Variants in ENPP2 observed in about 807,000 individuals in gnomAD.
The protein encoded by ENPP2 is ectonucleotide pyrophosphatase/phosphodiesterase 2, also known as autotaxin.
A neutral mutation model predicts 120.2 loss-of-function variants in ENPP2; 51 were observed. That is an observed-to-expected ratio of 0.42 (90% CI 0.34 to 0.54). ENPP2 has a LOEUF of 0.54. ENPP2 is among the 20% of genes least tolerant of loss of function. The probability of loss-of-function intolerance (pLI) is 0.04; values close to 1 mark genes in which losing one functional copy is unlikely to be tolerated. For synonymous variants in ENPP2, 365 were observed against 366.4 expected (o/e 1.00, Z 0.04); for missense variants, 920 against 1,066.5 (o/e 0.86, Z 1.91).
At chr8:119,607,484 G>C (rs1305643765) in intron 9 of ENPP2, among the ~76,000 whole-genome samples, 1 of 152,088 alleles carries the variant, frequency 6.6e-6, no homozygotes. Context: ...GACCAGCCTC[G>C]CAAACGTGGT....
At chr8:119,574,157 T>C (rs35384459) in intron 19 of ENPP2, among the ~76,000 whole-genome samples, 3,930 of 152,068 alleles carry the variant, frequency 0.026, 89 homozygotes, top group Admixed American at 0.047. Flanking sequence ...TATCAAAGTA[T>C]CAAAGAATCA....
chr8:119,648,006 C>A lies in ENPP2; in HGVS notation c.22-9479G>T, dbSNP rs183745838. On this transcript the variant is annotated intron_variant, in intron 1 of 25. Coordinates refer to the ENPP2 transcript ENST00000427067. ...GGCAACAAGAACAAAATTCCATCCC[C>A]AAAAAAAGAAAAGTTTGGATTCTGG... Among the ~76,000 whole-genome samples, 1,468 of 151,992 alleles carry A rather than the reference C, an allele frequency of 9.7e-3. 24 individuals carry two copies. Among genetic ancestry groups the A allele is most frequent in the African/African-American group, 0.034 (1,392 of 41,444 alleles).
At chr8:119,566,333 G>A (rs963862882) in intron 22 of ENPP2, among the ~76,000 whole-genome samples, 2 of 152,082 alleles carry the variant, frequency 1.3e-5, no homozygotes, top group Non-Finnish European at 2.9e-5. Flanking sequence ...CTTCAACATG[G>A]GTGTCATGCG....
intron 22 of ENPP2, among the ~76,000 whole-genome samples, chr8:119,567,016 G>A (rs563690670): frequency 8.2e-4 from 124 of 152,110 alleles, no homozygotes; most frequent in Non-Finnish European, 1.5e-3. Flanking sequence ...GTTAAGCTGC[G>A]GAGGCCCGCC....
intron 1 of ENPP2, among the ~76,000 whole-genome samples, chr8:119,665,325 A>G (rs936917947): frequency 2.0e-5 from 3 of 151,946 alleles, no homozygotes; most frequent in African/African-American, 7.3e-5. Flanking sequence ...AAAATATTCC[A>G]CTCTACAATG....
intron 19 of ENPP2, among the ~76,000 whole-genome samples, chr8:119,575,062 C>T (rs1021188395): frequency 1.3e-5 from 2 of 152,188 alleles, no homozygotes; most frequent in Non-Finnish European, 1.5e-5. Flanking sequence ...ATCTACTTGG[C>T]AAACACTTGT....
At chr8:119,643,027 TAA>T (rs1817329372), upstream of ENPP2, among the ~76,000 whole-genome samples, 1 of 152,210 alleles carries the variant, frequency 6.6e-6, no homozygotes, top group Admixed American at 6.5e-5. Flanking sequence ...AGAATAATCC[TAA>T]GATTATGTAT....
chr8:119,607,893 T>C, intron 9 of ENPP2, 29 bp downstream of exon 9: 1 of 1,436,816 alleles, frequency 7.0e-7, no homozygotes, highest in Non-Finnish European at 9.6e-7. Flanking sequence ...TGTCATTTTA[T>C]AAACATTGAC....
At chr8:119,649,877 A>T (rs949454182) in intron 1 of ENPP2, among the ~76,000 whole-genome samples, 5 of 152,236 alleles carry the variant, frequency 3.3e-5, no homozygotes, top group Non-Finnish European at 5.9e-5. Context: ...CTAGGATGCT[A>T]AAATTTAAAA....
rs61745442 is a variant in ENPP2, at chr8:119,570,775, G to C, written c.1847C>G (p.Thr616Ser). Residue 616 changes from threonine (T) to serine (S), a missense_variant, in exon 20 of 25, where the codon ACT becomes AGT. Thr to Ser is a moderately conservative substitution (Grantham distance 58, BLOSUM62 1). Transcript: ENST00000075322. ...TTCACTATAACCACTTTCAAAGTCA[G>C]TGTGATATAAGATATCATATCTAGT... ...YRTRYDILYH[T>S]DFESGYSEIF... 23 of 1,591,576 alleles carry C rather than the reference G, an allele frequency of 1.4e-5. No individual in the cohort carries two copies. In the African/African-American group the frequency reaches 2.7e-4, roughly 19 times the overall value.
chr8:119,612,753 G>GGTA (rs1815198765), intron 8 of ENPP2, among the ~76,000 whole-genome samples: 1 of 152,142 alleles, frequency 6.6e-6, no homozygotes, highest in Admixed American at 6.6e-5. Context: ...AGCCAGGCAT[G>GGTA]GTAGTGTGTG....
chr8:119,647,344 T>G (rs1817500887), intron 1 of ENPP2, among the ~76,000 whole-genome samples: 1 of 152,110 alleles, frequency 6.6e-6, no homozygotes, highest in Non-Finnish European at 1.5e-5. Flanking sequence ...TCTCTCCAAA[T>G]GCAGGGACCA....
chr8:119,577,978 T>C (rs1403306180), intron 19 of ENPP2, among the ~76,000 whole-genome samples: 8 of 152,196 alleles, frequency 5.3e-5, no homozygotes, highest in Admixed American at 5.2e-4. Context: ...TGAGAGTCAG[T>C]GATTCACTAA....
chr8:119,613,108 CT>C (rs1815228180), intron 8 of ENPP2, among the ~76,000 whole-genome samples: 2 of 152,184 alleles, frequency 1.3e-5, no homozygotes, highest in South Asian at 4.2e-4. Context: ...ATGGAAGTAT[CT>C]TTGTATTAGA....
chr8:119,618,316 A>T (rs971590058), intron 5 of ENPP2: 4 of 485,590 alleles, frequency 8.2e-6, no homozygotes, highest in South Asian at 5.9e-5. Context: ...TTTTGTTCTT[A>T]TGGGCCTCTG....
intron 1 of ENPP2, among the ~76,000 whole-genome samples, chr8:119,663,488 A>G (rs960821667): frequency 6.6e-6 from 1 of 152,124 alleles, no homozygotes; most frequent in Non-Finnish European, 1.5e-5. Flanking sequence ...CTGGGATTTT[A>G]TTGTTTTTGT....
intron 1 of ENPP2, among the ~76,000 whole-genome samples, chr8:119,654,249 T>C (rs1315520790): frequency 7.5e-6 from 1 of 133,860 alleles, no homozygotes; most frequent in African/African-American, 2.9e-5. Flanking sequence ...TAGCTATATA[T>C]CTATATCTAT....
At chr8:119,575,168 T>C (rs1812245904) in intron 19 of ENPP2, among the ~76,000 whole-genome samples, 2 of 152,190 alleles carry the variant, frequency 1.3e-5, no homozygotes, top group African/African-American at 4.8e-5. Flanking sequence ...AGGTCAGTAG[T>C]ATCATCTCCA....
At chr8:119,595,111 A>T (rs1813795535) in intron 11 of ENPP2, among the ~76,000 whole-genome samples, 1 of 152,240 alleles carries the variant, frequency 6.6e-6, no homozygotes, top group Non-Finnish European at 1.5e-5. Flanking sequence ...ATCTCTGTCT[A>T]GGTAAAGAAA....
Sources: gnomAD v4.1 joint callset for allele counts (sites outside exome capture counted in the v4.1 genomes callset) on GRCh38, gnomAD v4.1.1 for gene constraint, MANE v1.5 for transcripts, NCBI Gene and HGNC (gene_info 2026-07-23, HGNC 2026-07-21) for gene names.